PP2D1: variants seen among roughly 807,000 people sequenced by gnomAD.
The protein encoded by PP2D1 is protein phosphatase 2C-like domain-containing protein 1.
In PP2D1, 25 loss-of-function variants were observed where a neutral mutation model predicts 30.2. The ratio of observed to expected loss-of-function variants is 0.83; its 90% CI spans 0.60 to 1.16. The LOEUF (loss-of-function observed/expected upper bound fraction) is 1.16. PP2D1 is among the 50% of genes most tolerant of loss of function. PP2D1 has a pLI of 0.00. For missense variants in PP2D1, 760 were observed against 742.4 expected, an observed-to-expected ratio of 1.02 and a Z score of -0.28; for synonymous variants, 260 against 258.9, an observed-to-expected ratio of 1.00 and a Z score of -0.04.
intron 2 of PP2D1, among the ~76,000 whole-genome samples, chr3:19,994,043 T>TA (rs140353341): frequency 0.34 from 50,474 of 146,670 alleles, 9,368 homozygotes; most frequent in Non-Finnish European, 0.44. Context: ...AATTCTGTCT[T>TA]AAAAAAAAAA....
intron 2 of PP2D1, among the ~76,000 whole-genome samples, chr3:19,995,232 T>G (rs1022689725): frequency 1.3e-5 from 2 of 152,146 alleles, no homozygotes; most frequent in African/African-American, 4.8e-5. Flanking sequence ...AAAAAAAGTT[T>G]TTGCGGTTGT....
chr3:19,994,174 A>G (rs1001944289), intron 2 of PP2D1, among the ~76,000 whole-genome samples: 1 of 152,198 alleles, frequency 6.6e-6, no homozygotes, highest in Non-Finnish European at 1.5e-5. Context: ...GAAACAGTGA[A>G]CCAAAAATAA....
intron 2 of PP2D1, among the ~76,000 whole-genome samples, chr3:19,995,312 T>C (rs930741017): frequency 6.6e-6 from 1 of 152,192 alleles, no homozygotes; most frequent in African/African-American, 2.4e-5. Flanking sequence ...AGAAATGTCT[T>C]TGTAAGAGAT....
intron 2 of PP2D1, among the ~76,000 whole-genome samples, chr3:20,000,202 A>G (rs1162965453): frequency 6.6e-6 from 1 of 152,114 alleles, no homozygotes; most frequent in African/African-American, 2.4e-5. Context: ...ATTATCTCAC[A>G]TTTTTTAGCT....
Position 20,003,100 on chromosome 3 carries a change from G to GT in PP2D1, c.24-1005dup, listed in dbSNP as rs778828647. Among the ~76,000 whole-genome samples the GT allele has an allele frequency of 1.0e-3, 159 of 151,706 alleles. 1 individual carries two copies. Among genetic ancestry groups the GT allele is most frequent in the Non-Finnish European group, 3.2e-4 (22 of 67,948 alleles). On this transcript the variant is annotated intron_variant, in intron 1 of 2. Transcript: ENST00000389050. Reference sequence around the variant, plus strand: ...TAGCAAATACAAGTATGTACAGAACGTAATACCTGATAATGATAAATTACT... The same window carrying GT: ...TAGCAAATACAAGTATGTACAGAACGTTAATACCTGATAATGATAAATTACT...
chr3:20,008,943 C>T (rs1400904990), intron 1 of PP2D1, among the ~76,000 whole-genome samples: 1 of 152,062 alleles, frequency 6.6e-6, no homozygotes, highest in Non-Finnish European at 1.5e-5. Context: ...GTGAAAAGGA[C>T]ACTGAGAACT....
chr3:20,007,084 G>A (rs1697328246), intron 1 of PP2D1, among the ~76,000 whole-genome samples: 1 of 151,374 alleles, frequency 6.6e-6, no homozygotes, highest in Admixed American at 6.6e-5. Context: ...GTTGGCCCAG[G>A]CTCGTCTTGA....
intron 2 of PP2D1, chr3:19,997,023 A>C (rs1160492558): frequency 6.6e-6 from 1 of 152,132 alleles, no homozygotes; most frequent in African/African-American, 2.4e-5. Flanking sequence ...ACATCTCTTC[A>C]TGATAAAACT....
chr3:19,982,702 C>T (rs541165180), downstream of PP2D1, among the ~76,000 whole-genome samples: 1 of 150,696 alleles, frequency 6.6e-6, no homozygotes, highest in East Asian at 2.0e-4. Context: ...CTCAGGACTG[C>T]AGTAAGCCAT....
intron 1 of PP2D1, among the ~76,000 whole-genome samples, chr3:20,009,652 A>G (rs997435193): frequency 1.3e-5 from 2 of 152,306 alleles, no homozygotes; most frequent in Admixed American, 1.3e-4. Flanking sequence ...CACTTCTAGG[A>G]AGGAAAGCCT....
chr3:19,988,010 T>C (rs2125137735), intron 2 of PP2D1, among the ~76,000 whole-genome samples: 1 of 152,366 alleles, frequency 6.6e-6, no homozygotes, highest in South Asian at 2.1e-4. Context: ...CTCTTAATCC[T>C]GTCATCTTCG....
At chr3:20,003,608 G>A (rs1255626745) in intron 1 of PP2D1, among the ~76,000 whole-genome samples, 7 of 152,050 alleles carry the variant, frequency 4.6e-5, no homozygotes, top group African/African-American at 1.2e-4. Context: ...GCTGAGCGTG[G>A]TGGCTTATGC....
At chr3:19,989,374 CTG>C (rs1697086730) in intron 2 of PP2D1, among the ~76,000 whole-genome samples, 1 of 152,118 alleles carries the variant, frequency 6.6e-6, no homozygotes, top group South Asian at 2.1e-4. Flanking sequence ...TAGACAGAAA[CTG>C]TTGTCTCATT....
At chr3:19,980,445 A>ATTTTTTTTTT (rs11441052), downstream of PP2D1, among the ~76,000 whole-genome samples, 2 of 148,102 alleles carry the variant, frequency 1.4e-5, no homozygotes. Flanking sequence ...AGGTTAGTAA[A>ATTTTTTTTTT]TTTTTTTTTC....
chr3:20,009,608 A>T (rs1039353563), intron 1 of PP2D1, among the ~76,000 whole-genome samples: 4 of 152,252 alleles, frequency 2.6e-5, no homozygotes, highest in Admixed American at 6.5e-5. Flanking sequence ...GATGCTAGCC[A>T]GTAGAATTTG....
intron 2 of PP2D1, among the ~76,000 whole-genome samples, chr3:19,987,054 A>G (rs1697048443): frequency 1.3e-5 from 2 of 148,416 alleles, no homozygotes; most frequent in African/African-American, 5.0e-5. Context: ...AAAAAAAAAA[A>G]TCATTCCTGT....
intron 1 of PP2D1, among the ~76,000 whole-genome samples, chr3:20,010,316 G>C (rs1340599773): frequency 6.6e-6 from 1 of 152,010 alleles, no homozygotes; most frequent in Non-Finnish European, 1.5e-5. Context: ...GGCTGGTCTT[G>C]AACTCCTGAC....
intron 1 of PP2D1, among the ~76,000 whole-genome samples, chr3:20,008,707 C>T (rs556355970): frequency 1.3e-5 from 2 of 152,104 alleles, no homozygotes; most frequent in Non-Finnish European, 2.9e-5. Context: ...GCTGTGATCA[C>T]GCCACTGTAC....
chr3:20,005,207 C>A (rs1202986864), intron 1 of PP2D1, among the ~76,000 whole-genome samples: 1 of 151,412 alleles, frequency 6.6e-6, no homozygotes, highest in Non-Finnish European at 1.5e-5. Flanking sequence ...GCCTGGAGTA[C>A]AAGGGCGCAA....
Sources: gnomAD v4.1 joint callset for allele counts (sites outside exome capture counted in the v4.1 genomes callset) on GRCh38, gnomAD v4.1.1 for gene constraint, MANE v1.5 for transcripts, NCBI Gene and HGNC (gene_info 2026-07-23, HGNC 2026-07-21) for gene names.